KIAA1549: variants seen among roughly 807,000 people sequenced by gnomAD.
KIAA1549 encodes the protein UPF0606 protein KIAA1549.
In KIAA1549, 70 loss-of-function variants were observed where a neutral mutation model predicts 156.4. The ratio of observed to expected loss-of-function variants is 0.45; its 90% CI spans 0.37 to 0.55. KIAA1549 has a LOEUF of 0.55. Ranked by LOEUF, KIAA1549 falls within the 20% of genes least tolerant of loss-of-function variation. The pLI is 0.00. For synonymous variants in KIAA1549, 1,103 were observed against 1,066.4 expected (o/e 1.03, Z -0.67); for missense variants, 2,428 against 2,540.9 (o/e 0.96, Z 0.96).
chr7:138,910,053 G>A (rs143436107), intron 4 of KIAA1549, among the ~76,000 whole-genome samples: 1 of 152,106 alleles, frequency 6.6e-6, no homozygotes, highest in African/African-American at 2.4e-5. Flanking sequence ...GAGATGATAC[G>A]ATGCCTGAGA....
Position 138,981,259 on chromosome 7 carries a change from G to A in KIAA1549, c.11C>T (p.Ala4Val). 1 of 980,732 alleles carries A rather than the reference G, an allele frequency of 1.0e-6. No individual in the cohort carries two copies. The highest frequency in any genetic ancestry group is 1.2e-6 in the Non-Finnish European group (1 of 828,018). The allele number at this position is 980,732 out of a possible 1,614,324, so 60.8% of individuals were successfully genotyped here. The change falls in exon 1 of 20, where the codon GCG (alanine) becomes GTG (valine). Residue 4 changes from alanine (A) to valine (V), a missense_variant. By Grantham distance (64) the Ala-to-Val change is moderately conservative. This residue lies in a region of KIAA1549 where 893 missense variants were observed against 847.9 expected (regional missense o/e 1.05). Transcript: ENST00000422774. The surrounding 1 kb of genome is among the most constrained non-coding windows in gnomAD (Gnocchi z 4.5). MPG[A>V]RRRRRGAAME... is the part of the protein sequence containing the mutation. ...GGCCGCGCCTCGGCGTCGGCGCCGCGCCCCCGGCATTCCCGGCCGGCGCCC... is the reference window on the plus strand; with the variant it reads ...GGCCGCGCCTCGGCGTCGGCGCCGCACCCCCGGCATTCCCGGCCGGCGCCC...
intron 15 of KIAA1549, among the ~76,000 whole-genome samples, chr7:138,861,968 T>G (rs750472398): frequency 6.6e-6 from 1 of 151,998 alleles, no homozygotes; most frequent in Non-Finnish European, 1.5e-5. Context: ...AATTCAACAA[T>G]CATTTTTTCA....
Position 138,835,639 on chromosome 7 carries a change from TA to T in KIAA1549, c.*2266del, listed in dbSNP as rs1302087346. 4.5e-6 allele frequency: 1 copy of T among 220,972 alleles called. No individual in the cohort carries two copies. The highest frequency in any genetic ancestry group is 9.0e-6 in the Non-Finnish European group (1 of 110,504). 13.7% of individuals were successfully genotyped at this position (220,972 alleles called of 1,614,324 possible). ...TGAATTCATTACAAGGTGTCCATAATAAAATTCTGCTTGGATATCTGAAATT... is the reference window on the plus strand; with the variant it reads ...TGAATTCATTACAAGGTGTCCATAATAAATTCTGCTTGGATATCTGAAATT... On this transcript the variant is annotated 3_prime_UTR_variant, in exon 20 of 20. Transcript: ENST00000422774.
rs1184383296 is a variant in KIAA1549 at position 138,831,703 on chromosome 7, A to C, written c.*6203T>G. On this transcript the variant is annotated 3_prime_UTR_variant, in exon 20 of 20. Coordinates refer to ENST00000422774, the MANE Select transcript of KIAA1549 (RefSeq NM_001164665.2). Reference sequence around the variant, plus strand: ...GCACATTTCGTACATTAACGCTCATAATCTAGGGATGAGTGTGCAGGAAGA... The same window carrying C: ...GCACATTTCGTACATTAACGCTCATCATCTAGGGATGAGTGTGCAGGAAGA... 4.3e-6 allele frequency: 1 copy of C among 231,028 alleles called. No homozygotes were observed. The highest frequency in any genetic ancestry group is 6.1e-5 in the East Asian group (1 of 16,308). 14.3% of individuals were successfully genotyped at this position (231,028 alleles called of 1,614,324 possible).
intron 19 of KIAA1549, among the ~76,000 whole-genome samples, chr7:138,839,223 G>C (rs1235444903): frequency 6.6e-6 from 1 of 152,076 alleles, no homozygotes; most frequent in African/African-American, 2.4e-5. Flanking sequence ...GTGTCTGTTG[G>C]GAAGGCACAG....
At chr7:138,919,620 C>A (rs1451855097) in intron 1 of KIAA1549, 182 bp from the exon 2 acceptor site, 3 of 1,063,348 alleles carry the variant, frequency 2.8e-6, no homozygotes, top group Non-Finnish European at 3.9e-6. Context: ...ACCATCAGGA[C>A]AATATCTGCA....
intron 1 of KIAA1549, among the ~76,000 whole-genome samples, chr7:138,933,852 G>C (rs1812937732): frequency 6.6e-6 from 1 of 152,206 alleles, no homozygotes; most frequent in South Asian, 2.1e-4. Flanking sequence ...TGTAATCCCA[G>C]CTACTCGGGA....
At position 138,952,100 on chromosome 7, in the gene KIAA1549, A is replaced by G. The variant is rs115086657; in HGVS notation, c.187+28983T>C. ...TGAACGCACGGAAGGCACTAACTCTAGCTGCAGGTCAGAGCCCCCGGCACT... is the reference window on the plus strand; with the variant it reads ...TGAACGCACGGAAGGCACTAACTCTGGCTGCAGGTCAGAGCCCCCGGCACT... On this transcript the variant is annotated intron_variant, in intron 1 of 19. Transcript: ENST00000422774. 9.4e-3 allele frequency among the ~76,000 whole-genome samples: 1,430 copies of G among 152,292 alleles called. 21 individuals carry two copies. Among genetic ancestry groups the G allele is most frequent in the African/African-American group, 0.032 (1,314 of 41,552 alleles).
intron 1 of KIAA1549, among the ~76,000 whole-genome samples, chr7:138,935,067 C>T (rs1184666003): frequency 6.6e-6 from 1 of 152,212 alleles, no homozygotes; most frequent in Non-Finnish European, 1.5e-5. Flanking sequence ...CCATTTCCTC[C>T]TCTAAAGATG....
At chr7:138,941,675 C>A (rs1355673495) in intron 1 of KIAA1549, among the ~76,000 whole-genome samples, 2 of 152,224 alleles carry the variant, frequency 1.3e-5, no homozygotes, top group Non-Finnish European at 2.9e-5. Context: ...CTTACTGACC[C>A]TGAGAAACCC....
intron 1 of KIAA1549, among the ~76,000 whole-genome samples, chr7:138,941,273 G>C (rs1047338158): frequency 6.6e-6 from 1 of 152,090 alleles, no homozygotes; most frequent in African/African-American, 2.4e-5. Flanking sequence ...CATTGACCCT[G>C]TGAATATATT....
chr7:138,861,415 C>T lies in KIAA1549; in HGVS notation c.4971G>A (p.Ser1657=), dbSNP rs758091343. The T allele has an allele frequency of 6.2e-6, 10 of 1,612,162 alleles. No individual in the cohort carries two copies. Among genetic ancestry groups the T allele is most frequent in the South Asian group, 1.1e-5 (1 of 90,662 alleles). Residue 1657 remains serine, a synonymous_variant, in exon 16 of 20, where the codon TCG becomes TCA. Coordinates refer to ENST00000422774, the MANE Select transcript of KIAA1549 (RefSeq NM_001164665.2). ...DLPADVQTPS[S]VELGRYPALP... The stretch of plus-strand genomic sequence containing the variant: ...GGGCTGGATACCTCCCCAGTTCCAC[C>T]GAGGATGGTGTCTGCACATCGGCTG...
In KIAA1549 at chr7:138,838,144, T is replaced by G; in HGVS notation, c.5615A>C (p.His1872Pro). 6.7e-7 allele frequency: 1 copy of G among 1,483,774 alleles called. No individual in the cohort carries two copies. Among genetic ancestry groups the G allele is most frequent in the Non-Finnish European group, 8.9e-7 (1 of 1,123,088 alleles). 91.9% of individuals were successfully genotyped at this position (1,483,774 alleles called of 1,614,324 possible). The change falls in exon 20 of 20, where the codon CAT becomes CCT. Residue 1872 changes from histidine (H) to proline (P), a missense_variant. Coordinates refer to ENST00000422774, the MANE Select transcript of KIAA1549 (RefSeq NM_001164665.2). ...TAGCGGTGAAGAAGAATACTCTTGA[T>G]GTCCGAGCATGTGTGTCTGAAAAAC... ...GRREATHMLG[H>P]QEYSSSPLFQ...
intron 1 of KIAA1549, among the ~76,000 whole-genome samples, chr7:138,927,078 T>C (rs2130498140): frequency 6.6e-6 from 1 of 152,372 alleles, no homozygotes; most frequent in South Asian, 2.1e-4. Context: ...AATCACATTG[T>C]ACATAATCTA....
intron 1 of KIAA1549, among the ~76,000 whole-genome samples, chr7:138,953,020 A>C (rs1382749729): frequency 6.6e-6 from 1 of 152,248 alleles, no homozygotes; most frequent in Non-Finnish European, 1.5e-5. Context: ...AGAAGTGATC[A>C]AATTTTGTTG....
intron 1 of KIAA1549, among the ~76,000 whole-genome samples, chr7:138,976,072 CTTATT>C (rs1220215636): frequency 5.3e-5 from 8 of 152,088 alleles, no homozygotes; most frequent in African/African-American, 1.2e-4. Flanking sequence ...TTTACCTTAT[CTTATT>C]TTATCTTATT....
At chr7:138,970,113 A>G (rs1465397308) in intron 1 of KIAA1549, among the ~76,000 whole-genome samples, 2 of 152,196 alleles carry the variant, frequency 1.3e-5, no homozygotes, top group Non-Finnish European at 2.9e-5. Flanking sequence ...CCTATATAAA[A>G]GCAACTTATT....
intron 10 of KIAA1549, among the ~76,000 whole-genome samples, chr7:138,884,544 T>C (rs549748724): frequency 8.3e-4 from 127 of 152,318 alleles, no homozygotes; most frequent in African/African-American, 3.0e-3. Context: ...TACCAAATTA[T>C]AAACAAGACC....
chr7:138,861,490 A>T lies in KIAA1549; in HGVS notation c.4930-34T>A, dbSNP rs770182101. 3.2e-6 allele frequency: 5 copies of T among 1,556,336 alleles called. No homozygotes were observed. In the South Asian group the frequency reaches 3.5e-5, roughly 11 times the overall value. ...AGAAATGGCAAAGGAAGAATCACAC[A>T]TGAGTTTTTGTGGCAACCCTAAACA... On this transcript the variant is annotated intron_variant, in intron 15 of 19. Transcript: ENST00000422774.
Sources: gnomAD v4.1 joint callset for allele counts (sites outside exome capture counted in the v4.1 genomes callset) on GRCh38, gnomAD v4.1.1 for gene constraint, gnomAD v4.1.1 regional missense constraint, Gnocchi (gnomAD v3.1) non-coding constraint, MANE v1.5 for transcripts, NCBI Gene and HGNC (gene_info 2026-07-23, HGNC 2026-07-21) for gene names.